PCDHA1: variants seen among roughly 807,000 people sequenced by gnomAD.
PCDHA1 encodes the protein protocadherin alpha-1.
A neutral mutation model predicts 61.3 loss-of-function variants in PCDHA1; 42 were observed. The ratio of observed to expected loss-of-function variants is 0.69; its 90% CI spans 0.54 to 0.89. PCDHA1 has a LOEUF of 0.89. PCDHA1 is among the 40% of genes least tolerant of loss of function. The pLI, the probability that PCDHA1 is intolerant of heterozygous loss-of-function variation, is 0.00. For missense variants in PCDHA1, 1,256 were observed against 1,235.3 expected, an observed-to-expected ratio of 1.02 and a Z score of -0.25; for synonymous variants, 610 against 553.8, an observed-to-expected ratio of 1.10 and a Z score of -1.43.
chr5:140,803,023 A>G (rs1308617274), intron 1 of PCDHA1: 2 of 1,613,866 alleles, frequency 1.2e-6, no homozygotes, highest in Non-Finnish European at 1.7e-6. Context: ...TGGCTTTCGT[A>G]TGAGCTGCAG....
At chr5:141,008,582 G>A (rs1554261823) in intron 3 of PCDHA1, among the ~76,000 whole-genome samples, 1 of 152,130 alleles carries the variant, frequency 6.6e-6, no homozygotes. Context: ...CCAAGACTCA[G>A]GGCAGATTTC....
In PCDHA1 at chr5:140,849,836, C is replaced by T. The variant is rs2150452657; in HGVS notation, c.2394+61152C>T. 6 of 1,598,428 alleles carry T rather than the reference C, an allele frequency of 3.8e-6. 1 individual carries two copies. The Admixed American group carries it at 5.1e-5, about 13-fold the overall frequency. On this transcript the variant is annotated intron_variant, in intron 1 of 3. Coordinates refer to ENST00000504120, the MANE Select transcript of PCDHA1 (RefSeq NM_018900.4). Reference sequence around the variant, plus strand: ...CCAGGGTGTCTGTGGAGGTGGCCGACGTGAACGACAACGCACCAGCGTTCG... The same window carrying T: ...CCAGGGTGTCTGTGGAGGTGGCCGATGTGAACGACAACGCACCAGCGTTCG...
chr5:140,827,069 G>A (rs187227575), intron 1 of PCDHA1, among the ~76,000 whole-genome samples: 1 of 152,278 alleles, frequency 6.6e-6, no homozygotes, highest in Non-Finnish European at 1.5e-5. Flanking sequence ...CTCATGCCTT[G>A]CTATTTAACA....
At chr5:140,875,207 C>A in intron 1 of PCDHA1, 3 of 660,292 alleles carry the variant, frequency 4.5e-6, no homozygotes, top group Non-Finnish European at 6.7e-6. Flanking sequence ...AGTGGCTAAA[C>A]CGAAAAGAAC....
intron 1 of PCDHA1, chr5:140,824,268 T>C: frequency 8.2e-7 from 1 of 1,223,618 alleles, no homozygotes; most frequent in Non-Finnish European, 1.2e-6. Context: ...CTAATTCATG[T>C]ATTATATGCT....
intron 1 of PCDHA1, among the ~76,000 whole-genome samples, chr5:140,900,835 C>A (rs1023887892): frequency 1.3e-5 from 2 of 152,150 alleles, no homozygotes; most frequent in African/African-American, 4.8e-5. Flanking sequence ...CAACAATGTA[C>A]AAAGTTTCCC....
intron 1 of PCDHA1, among the ~76,000 whole-genome samples, chr5:140,894,820 C>A (rs149254580): frequency 3.2e-4 from 49 of 152,072 alleles, no homozygotes; most frequent in African/African-American, 1.2e-3. Flanking sequence ...ATCAGATTTG[C>A]CCATAATCCT....
intron 1 of PCDHA1, among the ~76,000 whole-genome samples, chr5:140,893,393 C>T (rs1358613018): frequency 6.6e-6 from 1 of 152,144 alleles, no homozygotes; most frequent in Non-Finnish European, 1.5e-5. Context: ...TGGCTCATGC[C>T]TGTAATCCCA....
At chr5:140,919,417 T>C (rs782439186) in intron 1 of PCDHA1, among the ~76,000 whole-genome samples, 16 of 152,226 alleles carry the variant, frequency 1.1e-4, no homozygotes, top group Admixed American at 5.2e-4. Context: ...AGACTGACAA[T>C]TCTGCCTTTT....
intron 1 of PCDHA1, among the ~76,000 whole-genome samples, chr5:140,831,643 G>T (rs2150109104): frequency 6.6e-6 from 1 of 151,354 alleles, no homozygotes; most frequent in South Asian, 2.1e-4. Context: ...GATTATAGGT[G>T]TGAGCCACTA....
intron 1 of PCDHA1, chr5:140,801,075 G>A: frequency 6.8e-7 from 1 of 1,474,092 alleles, no homozygotes; most frequent in Non-Finnish European, 8.9e-7. Context: ...TTCAGATACT[G>A]CTTTGCTTCA....
chr5:140,844,369 CCTT>C (rs1275614273), intron 1 of PCDHA1, among the ~76,000 whole-genome samples: 2 of 149,326 alleles, frequency 1.3e-5, no homozygotes, highest in South Asian at 2.1e-4. Flanking sequence ...GATTTGTAAT[CCTT>C]CTTTTAATTC....
intron 1 of PCDHA1, chr5:140,853,614 A>G (rs1477333407): frequency 1.0e-6 from 1 of 988,026 alleles, no homozygotes; most frequent in Non-Finnish European, 1.2e-6. Flanking sequence ...GGGTGCTGTA[A>G]ATAAGTATAC....
intron 1 of PCDHA1, among the ~76,000 whole-genome samples, chr5:140,914,671 A>G (rs1012780806): frequency 2.6e-5 from 4 of 151,552 alleles, no homozygotes; most frequent in Non-Finnish European, 4.4e-5. Context: ...CTTCTTTTTC[A>G]TGAAAATAAT....
chr5:140,902,548 A>G (rs1554190491), intron 1 of PCDHA1, among the ~76,000 whole-genome samples: 1 of 152,028 alleles, frequency 6.6e-6, no homozygotes, highest in East Asian at 1.9e-4. Flanking sequence ...TTCCTTCTAT[A>G]CCCAGATTTT....
chr5:140,920,722 C>T (rs2079784294), intron 1 of PCDHA1, among the ~76,000 whole-genome samples: 1 of 151,872 alleles, frequency 6.6e-6, no homozygotes, highest in Non-Finnish European at 1.5e-5. Context: ...TGTGCGCCTG[C>T]AGTCCCAGCT....
intron 1 of PCDHA1, chr5:140,811,413 G>T (rs1764863372): frequency 6.6e-6 from 1 of 152,162 alleles, no homozygotes; most frequent in Non-Finnish European, 1.5e-5. Flanking sequence ...TATCATTGAT[G>T]GACATTTGGG....
intron 1 of PCDHA1, chr5:140,866,669 T>C (rs571274167): frequency 6.6e-6 from 1 of 152,260 alleles, no homozygotes; most frequent in South Asian, 2.1e-4. Context: ...CAAGAAATAA[T>C]AGCACTAGGT....
chr5:140,877,260 G>A (rs1329010026), intron 1 of PCDHA1: 3 of 1,613,766 alleles, frequency 1.9e-6, no homozygotes, highest in African/African-American at 2.7e-5. Context: ...AAGTGCGCGC[G>A]GTGGACGCTG....
Sources: allele counts gnomAD v4.1 joint callset (sites outside exome capture counted in the v4.1 genomes callset), GRCh38; gene constraint gnomAD v4.1.1; transcripts MANE v1.5; gene names NCBI Gene and HGNC (gene_info 2026-07-23, HGNC 2026-07-21).